NOTO: variants seen among roughly 807,000 people sequenced by gnomAD.
NOTO encodes the protein homeobox protein notochord.
A neutral mutation model predicts 20.5 loss-of-function variants in NOTO; 19 were observed. That is an observed-to-expected ratio of 0.93 (90% CI 0.65 to 1.36). The LOEUF is 1.36. NOTO is among the 40% of genes most tolerant of loss of function. The probability of loss-of-function intolerance (pLI) is 0.00; values close to 1 mark genes in which losing one functional copy is unlikely to be tolerated. For missense variants in NOTO, 369 were observed against 336.2 expected, an observed-to-expected ratio of 1.10 and a Z score of -0.76; for synonymous variants, 150 against 150.2, an observed-to-expected ratio of 1.00 and a Z score of 0.01.
Position 73,202,678 on chromosome 2 carries a change from C to G in NOTO, c.12C>G (p.Pro4=). The G allele has an allele frequency of 6.7e-7, 1 of 1,492,502 alleles. No individual in the cohort carries two copies. Among genetic ancestry groups the G allele is most frequent in the Non-Finnish European group, 8.9e-7 (1 of 1,128,814 alleles). 92.5% of individuals were successfully genotyped at this position (1,492,502 alleles called of 1,614,324 possible). A position where few individuals can be genotyped will look rare whatever the true frequency, so the allele number is the denominator to read the frequency against. MPS[P]RPRGSPPPAP... is the part of the protein sequence containing the mutation. ...GCAACGGCCGCGTCATGCCTAGCCC[C>G]AGGCCGCGAGGCAGCCCGCCACCCG... Residue 4 remains proline (P), a synonymous_variant, in exon 1 of 3, where the codon CCC becomes CCG. Coordinates refer to ENST00000398468, the MANE Select transcript of NOTO (RefSeq NM_001134462.2).
chr2:73,210,667 A>C (rs1307352091), intron 2 of NOTO, 104 bp from the exon 3 acceptor site: 3 of 932,220 alleles, frequency 3.2e-6, no homozygotes, highest in Non-Finnish European at 4.8e-6. Flanking sequence ...CCTGAGAAGG[A>C]AGAGCAAATA....
chr2:73,207,230 T>C (rs11902788), intron 1 of NOTO, among the ~76,000 whole-genome samples: 38,174 of 152,040 alleles, frequency 0.25, 5,781 homozygotes, highest in African/African-American at 0.43. Flanking sequence ...TTGGTCTACC[T>C]TGGCAGGCAC....
In NOTO at chr2:73,203,102, T is replaced by C. The variant is rs2103687802; in HGVS notation, c.382+54T>C. 9 of 1,352,856 alleles carry C rather than the reference T, an allele frequency of 6.7e-6. No individual in the cohort carries two copies. In the South Asian group the frequency reaches 1.4e-4, roughly 22 times the overall value. The allele number at this position is 1,352,856 out of a possible 1,614,324, so 83.8% of individuals were successfully genotyped here. A position where few individuals can be genotyped will look rare whatever the true frequency, so the allele number is the denominator to read the frequency against. Reference sequence around the variant, plus strand: ...GGGACTGGGCGGGGGCTGGAGAGCCTAGGTCGCCACTGCCGGCGCCCCAGT... The same window carrying C: ...GGGACTGGGCGGGGGCTGGAGAGCCCAGGTCGCCACTGCCGGCGCCCCAGT... On this transcript the variant is annotated intron_variant, in intron 1 of 2. Transcript: ENST00000398468.
At position 73,202,721 on chromosome 2, in the gene NOTO, G is replaced by A. The variant is rs987604479; in HGVS notation, c.55G>A (p.Val19Ile). The A allele has an allele frequency of 1.9e-5, 29 of 1,518,722 alleles. No homozygotes were observed. The East Asian group carries it at 7.1e-4, about 37-fold the overall frequency. The allele number at this position is 1,518,722 out of a possible 1,614,324, so 94.1% of individuals were successfully genotyped here. Reference protein sequence around the residue: ...SPPPAPSGSRVRPPRSGRSPA... With the variant: ...SPPPAPSGSRIRPPRSGRSPA... ...GCCACCCGCTCCCTCGGGCTCTCGG[G>A]TCCGACCTCCGCGCTCTGGCCGCTC... is the stretch of plus-strand genomic sequence containing the variant. The change falls in exon 1 of 3, where the codon GTC (valine) becomes ATC (isoleucine). Residue 19 changes from valine (V) to isoleucine (I), a missense_variant. Physicochemically the swap from Val to Ile is conservative, Grantham distance 29. Transcript: ENST00000398468.
chr2:73,206,371 G>A (rs181550314), intron 1 of NOTO, among the ~76,000 whole-genome samples: 4 of 152,058 alleles, frequency 2.6e-5, no homozygotes, highest in East Asian at 1.9e-4. Flanking sequence ...TTGTTGAGAC[G>A]GGGTCTTACT....
intron 1 of NOTO, among the ~76,000 whole-genome samples, chr2:73,207,642 C>T (rs781132927): frequency 2.0e-4 from 30 of 152,132 alleles, no homozygotes; most frequent in Non-Finnish European, 3.4e-4. Context: ...GCAACCTCTG[C>T]TTCCCGGACT....
intron 2 of NOTO, among the ~76,000 whole-genome samples, chr2:73,209,138 G>A (rs1371668827): frequency 1.4e-5 from 2 of 142,476 alleles, no homozygotes; most frequent in East Asian, 2.1e-4. Context: ...TCACGCCACT[G>A]CACTCCAGCT....
chr2:73,205,576 T>C (rs1162828409), intron 1 of NOTO, among the ~76,000 whole-genome samples: 1 of 152,228 alleles, frequency 6.6e-6, no homozygotes, highest in Non-Finnish European at 1.5e-5. Flanking sequence ...TTGACTTTGA[T>C]TATGGCGGTA....
intron 2 of NOTO, among the ~76,000 whole-genome samples, chr2:73,209,278 T>C (rs1182243414): frequency 6.6e-6 from 1 of 152,082 alleles, no homozygotes; most frequent in Non-Finnish European, 1.5e-5. Flanking sequence ...CTAGCTATTA[T>C]ATAATTTCTC....
chr2:73,212,426 T>A lies in NOTO; in HGVS notation c.*1497T>A, dbSNP rs1686198349. 1 of 152,238 alleles carries A rather than the reference T, an allele frequency of 6.6e-6. No homozygotes were observed. Among genetic ancestry groups the A allele is most frequent in the South Asian group, 2.1e-4 (1 of 4,830 alleles). The allele number at this position is 152,238 out of a possible 1,614,324, so 9.4% of individuals were successfully genotyped here. A position where few individuals can be genotyped will look rare whatever the true frequency, so the allele number is the denominator to read the frequency against. On this transcript the variant is annotated 3_prime_UTR_variant, in exon 3 of 3. Coordinates refer to ENST00000398468, the MANE Select transcript of NOTO (RefSeq NM_001134462.2). ...CCCAAAGCCCCATCTTTTTATAGAA[T>A]AATTTGTGTATGCCAAGGCTGGCAT...
chr2:73,210,733 T>C, intron 2 of NOTO, 38 bp from the exon 3 acceptor site: 6 of 1,498,822 alleles, frequency 4.0e-6, no homozygotes, highest in Non-Finnish European at 5.4e-6. Flanking sequence ...TGGGACCTGA[T>C]GGTCACATTC....
chr2:73,203,614 C>A (rs932509433), intron 1 of NOTO, among the ~76,000 whole-genome samples: 3 of 152,194 alleles, frequency 2.0e-5, no homozygotes, highest in Non-Finnish European at 4.4e-5. Context: ...TCTGAGCCTG[C>A]GTGCATGCAA....
At chr2:73,206,710 A>G (rs1686092957) in intron 1 of NOTO, among the ~76,000 whole-genome samples, 1 of 151,466 alleles carries the variant, frequency 6.6e-6, no homozygotes, top group Admixed American at 6.6e-5. Context: ...GAGGAAATCA[A>G]GGCTCACAGA....
intron 1 of NOTO, among the ~76,000 whole-genome samples, chr2:73,204,553 C>T (rs1244441399): frequency 6.6e-6 from 1 of 152,198 alleles, no homozygotes; most frequent in Non-Finnish European, 1.5e-5. Flanking sequence ...GGACTCGCAG[C>T]CCCATCTAAA....
intron 1 of NOTO, among the ~76,000 whole-genome samples, chr2:73,208,013 G>T (rs1686113173): frequency 6.6e-6 from 1 of 152,182 alleles, no homozygotes; most frequent in African/African-American, 2.4e-5. Context: ...TATAATATTT[G>T]TTCAGTGAAT....
At chr2:73,203,448 C>T (rs982436309) in intron 1 of NOTO, among the ~76,000 whole-genome samples, 3 of 149,156 alleles carry the variant, frequency 2.0e-5, no homozygotes, top group Non-Finnish European at 4.4e-5. Flanking sequence ...GCTCTCGACC[C>T]GAACCAATGG....
intron 2 of NOTO, among the ~76,000 whole-genome samples, chr2:73,208,924 C>T (rs561356939): frequency 6.6e-5 from 10 of 152,248 alleles, no homozygotes; most frequent in East Asian, 5.8e-4. Context: ...CGGTGGCTCA[C>T]GCCTCTAATC....
At chr2:73,209,782 C>T (rs1686152453) in intron 2 of NOTO, among the ~76,000 whole-genome samples, 1 of 152,174 alleles carries the variant, frequency 6.6e-6, no homozygotes. Context: ...CTCATGGGCA[C>T]ATATCTCAAA....
Position 73,208,394 on chromosome 2 carries a change from C to T in NOTO, c.383-6C>T. The stretch of plus-strand genomic sequence containing the variant: ...ATAACCTCCCCTGCTGCTGGTTGCT[C>T]TTTAGGGTTGGAGCTGGCTCACTGC... On this transcript the variant is annotated splice_region_variant and splice_polypyrimidine_tract_variant and intron_variant, in intron 1 of 2. Coordinates refer to ENST00000398468, the MANE Select transcript of NOTO (RefSeq NM_001134462.2). The T allele has an allele frequency of 6.5e-7, 1 of 1,549,646 alleles. No individual in the cohort carries two copies. Among genetic ancestry groups the T allele is most frequent in the Non-Finnish European group, 8.7e-7 (1 of 1,145,354 alleles).
Sources: gnomAD v4.1 joint callset for allele counts (sites outside exome capture counted in the v4.1 genomes callset) on GRCh38, gnomAD v4.1.1 for gene constraint, MANE v1.5 for transcripts, NCBI Gene and HGNC (gene_info 2026-07-23, HGNC 2026-07-21) for gene names.